The following TRAPPC13 variants were observed in gnomAD, a reference collection of about 807,000 sequenced individuals.
TRAPPC13 encodes trafficking protein particle complex subunit 13, also known as REV7-interacting novel NHEJ regulator 1.
In TRAPPC13, 39 loss-of-function variants were observed where a neutral mutation model predicts 54.0. The observed-to-expected ratio is 0.72, with a 90% CI of 0.56 to 0.94. The LOEUF (loss-of-function observed/expected upper bound fraction) is 0.94, where lower values mean the gene tolerates loss of function less well. TRAPPC13 is among the 40% of genes least tolerant of loss of function. TRAPPC13 has a pLI of 0.00. For synonymous variants in TRAPPC13, 148 were observed against 167.7 expected, an observed-to-expected ratio of 0.88 and a Z score of 0.91; for missense variants, 386 against 488.1, an observed-to-expected ratio of 0.79 and a Z score of 1.97.
intron 1 of TRAPPC13, among the ~76,000 whole-genome samples, chr5:65,627,498 T>C (rs1224060160): frequency 6.6e-6 from 1 of 151,992 alleles, no homozygotes; most frequent in Non-Finnish European, 1.5e-5. Context: ...GGCGTGATGG[T>C]GTGCACCAGT....
intron 1 of TRAPPC13, among the ~76,000 whole-genome samples, chr5:65,634,207 A>G (rs986660550): frequency 4.6e-5 from 7 of 151,720 alleles, no homozygotes; most frequent in South Asian, 2.1e-4. Context: ...GGATAGTCTC[A>G]ATCTCTTGAC....
At position 65,625,051 on chromosome 5, in the gene TRAPPC13, G is replaced by A. The variant is rs1285053116; in HGVS notation, c.-10G>A. The A allele has an allele frequency of 1.2e-6, 2 of 1,613,226 alleles. No homozygotes were observed. Among genetic ancestry groups the A allele is most frequent in the Admixed American group, 3.3e-5 (2 of 60,000 alleles). On this transcript the variant is annotated 5_prime_UTR_variant, in exon 1 of 13. Transcript: ENST00000399438. ...CCCCCGTAGGCTGTGGGTCAAAAGT[G>A]CCGGTCAAAATGGAAGTGAATCCCC...
intron 7 of TRAPPC13, chr5:65,652,751 G>T (rs1756515018): frequency 5.0e-6 from 3 of 603,536 alleles, no homozygotes; most frequent in East Asian, 3.1e-5. Context: ...AATGTGTCTT[G>T]ATTTTTATTC....
intron 7 of TRAPPC13, among the ~76,000 whole-genome samples, chr5:65,653,844 G>C (rs1340562950): frequency 6.6e-6 from 1 of 152,142 alleles, no homozygotes; most frequent in African/African-American, 2.4e-5. Flanking sequence ...GTGAGTTGGA[G>C]TAATACGCAT....
intron 1 of TRAPPC13, chr5:65,626,095 GC>G (rs75140743): frequency 0.62 from 94,220 of 151,942 alleles, 29,468 homozygotes; most frequent in South Asian, 0.65. Context: ...CTTAACCTGA[GC>G]AAATGATCTA....
chr5:65,643,843 A>AG (rs1756079898), intron 4 of TRAPPC13, among the ~76,000 whole-genome samples: 1 of 151,448 alleles, frequency 6.6e-6, no homozygotes, highest in South Asian at 2.1e-4. Context: ...GAAAGAAAAA[A>AG]AAAAAAAGAC....
chr5:65,652,317 A>C (rs1201692526), intron 6 of TRAPPC13, among the ~76,000 whole-genome samples, 184 bp from the exon 7 acceptor site: 1 of 147,476 alleles, frequency 6.8e-6, no homozygotes, highest in Non-Finnish European at 1.5e-5. Context: ...CAAAAAATAC[A>C]TTAGGGATTC....
At chr5:65,645,134 G>T (rs921872369) in intron 4 of TRAPPC13, among the ~76,000 whole-genome samples, 2 of 144,746 alleles carry the variant, frequency 1.4e-5, no homozygotes, top group Non-Finnish European at 3.0e-5. Flanking sequence ...GTAGGCAGAG[G>T]TTGCAGTCAG....
At position 65,630,125 on chromosome 5, in the gene TRAPPC13, A is replaced by T. The variant is rs538073564; in HGVS notation, c.46+5019A>T. On this transcript the variant is annotated intron_variant, in intron 1 of 12. Coordinates refer to ENST00000399438, the MANE Select transcript of TRAPPC13 (RefSeq NM_024941.4). ...AGAACACACTATTTGTAACAGCCAAACTCTGGAAGACATTTGGACAAAACT... is the reference window on the plus strand; with the variant it reads ...AGAACACACTATTTGTAACAGCCAATCTCTGGAAGACATTTGGACAAAACT... The T allele has an allele frequency of 2.1e-5, 33 of 1,536,050 alleles. No homozygotes were observed. The East Asian group carries it at 8.1e-4, about 38-fold the overall frequency.
rs1348475416 is a variant in TRAPPC13, at chr5:65,664,548, A to C, written c.1191A>C (p.Thr397=). 6.2e-7 allele frequency: 1 copy of C among 1,612,196 alleles called. No individual in the cohort carries two copies. Among genetic ancestry groups the C allele is most frequent in the East Asian group, 2.2e-5 (1 of 44,858 alleles). The change falls in exon 13 of 13, where the codon ACA becomes ACC. Residue 397 remains threonine, a synonymous_variant. Transcript: ENST00000399438. ...TAACAGACACATTCTTAAAGAGAAC[A>C]TATGAATATGATGACATCGCACAAG... ...LRLTDTFLKR[T]YEYDDIAQVC...
intron 8 of TRAPPC13, 91 bp downstream of exon 8, chr5:65,655,744 G>T: frequency 2.3e-6 from 1 of 429,362 alleles, no homozygotes; most frequent in Non-Finnish European, 3.8e-6. Flanking sequence ...AAAACATAGT[G>T]GAAAAACAGT....
chr5:65,629,759 C>T, intron 1 of TRAPPC13: 1 of 1,536,084 alleles, frequency 6.5e-7, no homozygotes, highest in Non-Finnish European at 8.7e-7. Context: ...AAGATCACCA[C>T]CTGTGATTTC....
At chr5:65,644,150 A>G (rs1756091328) in intron 4 of TRAPPC13, among the ~76,000 whole-genome samples, 1 of 152,112 alleles carries the variant, frequency 6.6e-6, no homozygotes, top group Non-Finnish European at 1.5e-5. Context: ...AAGTTATTTC[A>G]TAATTTTTCC....
chr5:65,645,723 G>A (rs1756169311), intron 4 of TRAPPC13, among the ~76,000 whole-genome samples: 1 of 152,166 alleles, frequency 6.6e-6, no homozygotes, highest in Non-Finnish European at 1.5e-5. Flanking sequence ...AGAATGGCGT[G>A]AACCTGGGAG....
At position 65,665,553 on chromosome 5, in the gene TRAPPC13, A is replaced by C. The variant is rs1232514393; in HGVS notation, c.*942A>C. ...TGTTGATTTTTTTTAATTAACTATT[A>C]ACTAAGAATAATACTTATTTTCTAA... On this transcript the variant is annotated 3_prime_UTR_variant, in exon 13 of 13. Transcript: ENST00000399438. 1 of 152,100 alleles carries C rather than the reference A, an allele frequency of 6.6e-6. No individual in the cohort carries two copies. Among genetic ancestry groups the C allele is most frequent in the Non-Finnish European group, 1.5e-5 (1 of 68,014 alleles). 9.4% of individuals were successfully genotyped at this position (152,100 alleles called of 1,614,324 possible).
intron 4 of TRAPPC13, among the ~76,000 whole-genome samples, chr5:65,642,430 C>CA (rs1189584983): frequency 1.3e-5 from 2 of 151,404 alleles, no homozygotes; most frequent in Non-Finnish European, 2.9e-5. Context: ...ATTTTAACTT[C>CA]AAAAAAAATC....
intron 4 of TRAPPC13, among the ~76,000 whole-genome samples, chr5:65,641,998 G>A (rs1457269056): frequency 6.6e-6 from 1 of 151,374 alleles, no homozygotes; most frequent in Admixed American, 6.6e-5. Flanking sequence ...ACATTTATCT[G>A]CATAGAGGTC....
chr5:65,629,559 A>T (rs947794748), intron 1 of TRAPPC13: 1 of 1,479,526 alleles, frequency 6.8e-7, no homozygotes, highest in Non-Finnish European at 8.9e-7. Flanking sequence ...AAATTTTCTC[A>T]TCACTAAGAG....
At chr5:65,631,718 A>G (rs542628525) in intron 1 of TRAPPC13, among the ~76,000 whole-genome samples, 22 of 152,296 alleles carry the variant, frequency 1.4e-4, no homozygotes, top group Middle Eastern at 3.4e-3. Flanking sequence ...TATGAAGAAA[A>G]AAGTTGCTTT....
Sources: gnomAD v4.1 joint callset for allele counts (sites outside exome capture counted in the v4.1 genomes callset) on GRCh38, gnomAD v4.1.1 for gene constraint, MANE v1.5 for transcripts, NCBI Gene and HGNC (gene_info 2026-07-23, HGNC 2026-07-21) for gene names.